EPHA3: variants seen among roughly 807,000 people sequenced by gnomAD.
EPHA3 encodes EPH receptor A3.
In EPHA3, 42 loss-of-function variants were observed where a neutral mutation model predicts 107.1. That is an observed-to-expected ratio of 0.39 (90% CI 0.31 to 0.51). EPHA3 has a LOEUF of 0.51. Ranked by LOEUF, EPHA3 falls within the 20% of genes least tolerant of loss-of-function variation. The pLI, the probability that EPHA3 is intolerant of heterozygous loss-of-function variation, is 0.78. For missense variants in EPHA3, 1,183 were observed against 1,211.2 expected (o/e 0.98, Z 0.35); for synonymous variants, 461 against 424.8 (o/e 1.09, Z -1.05).
rs578081895 is a variant in EPHA3, at chr3:89,238,493, G to A, written c.814+27973G>A. On this transcript the variant is annotated intron_variant, in intron 3 of 16. Coordinates refer to ENST00000336596, the MANE Select transcript of EPHA3 (RefSeq NM_005233.6). ...TTATGCCTCTGCTGTTAGAACCACAGTTAAGTCAGTTCCAGCATGAAGAAA... is the reference window on the plus strand; with the variant it reads ...TTATGCCTCTGCTGTTAGAACCACAATTAAGTCAGTTCCAGCATGAAGAAA... Among the ~76,000 whole-genome samples, 4 of 152,306 alleles carry A rather than the reference G, an allele frequency of 2.6e-5. No individual in the cohort carries two copies. The East Asian group carries it at 7.7e-4, about 29-fold the overall frequency.
Position 89,479,385 on chromosome 3 carries a change from CT to C in EPHA3, c.2847-5del, listed in dbSNP as rs1488240489. 6.2e-7 allele frequency: 1 copy of C among 1,608,638 alleles called. No individual in the cohort carries two copies. The highest frequency in any genetic ancestry group is 8.5e-7 in the Non-Finnish European group (1 of 1,175,204). ...AGGAAACCGATTCTTATATTGTTTT[CT>C]TTTTTTACAGTGACATGAAAAAGGT... On this transcript the variant is annotated splice_polypyrimidine_tract_variant and intron_variant, in intron 16 of 16. Coordinates refer to ENST00000336596, the MANE Select transcript of EPHA3 (RefSeq NM_005233.6).
At chr3:89,323,587 C>T (rs569599754) in intron 3 of EPHA3, among the ~76,000 whole-genome samples, 1 of 151,950 alleles carries the variant, frequency 6.6e-6, no homozygotes, top group East Asian at 1.9e-4. Flanking sequence ...ATTTATTAGC[C>T]AACAACAACA....
intron 2 of EPHA3, among the ~76,000 whole-genome samples, chr3:89,193,067 A>T (rs1034276680): frequency 2.0e-5 from 3 of 152,102 alleles, no homozygotes; most frequent in African/African-American, 7.2e-5. Context: ...ATTTATCTGG[A>T]TAGTAAATAG....
intron 5 of EPHA3, among the ~76,000 whole-genome samples, chr3:89,366,626 A>G (rs986053590): frequency 6.6e-6 from 1 of 150,644 alleles, no homozygotes; most frequent in African/African-American, 2.4e-5. Flanking sequence ...GCATCAAGGA[A>G]AAGATCTTGA....
At chr3:89,158,301 C>T (rs563020034) in intron 2 of EPHA3, among the ~76,000 whole-genome samples, 1 of 152,062 alleles carries the variant, frequency 6.6e-6, no homozygotes, top group Non-Finnish European at 1.5e-5. Context: ...GATTCTACCA[C>T]TTCATTGAGG....
At chr3:89,234,875 CT>C (rs1201753809) in intron 3 of EPHA3, among the ~76,000 whole-genome samples, 1 of 139,374 alleles carries the variant, frequency 7.2e-6, no homozygotes, top group African/African-American at 2.7e-5. Flanking sequence ...CCTTCTCTTC[CT>C]TCCTGCCTTC....
chr3:89,370,399 T>C (rs1274268090), intron 5 of EPHA3, among the ~76,000 whole-genome samples: 2 of 151,050 alleles, frequency 1.3e-5, no homozygotes, highest in Non-Finnish European at 2.9e-5. Flanking sequence ...CAGTAAACTA[T>C]CGCAAGGACA....
chr3:89,264,163 A>G (rs1362740844), intron 3 of EPHA3, among the ~76,000 whole-genome samples: 8 of 152,172 alleles, frequency 5.3e-5, no homozygotes, highest in Non-Finnish European at 1.0e-4. Flanking sequence ...GGTGTGATCT[A>G]TCCTGGGGCA....
chr3:89,431,112 G>A (rs1238303747), intron 12 of EPHA3, 38 bp from the exon 13 acceptor site: 1 of 1,579,592 alleles, frequency 6.3e-7, no homozygotes, highest in South Asian at 1.1e-5. Context: ...TTAAGAAATA[G>A]GAACGTATCT....
chr3:89,435,918 A>G (rs1317974198), intron 13 of EPHA3, among the ~76,000 whole-genome samples: 2 of 150,684 alleles, frequency 1.3e-5, no homozygotes, highest in South Asian at 4.2e-4. Context: ...GTGCCATTGC[A>G]CTCTAGCCTG....
At chr3:89,282,872 T>C (rs1356553319) in intron 3 of EPHA3, among the ~76,000 whole-genome samples, 1 of 152,178 alleles carries the variant, frequency 6.6e-6, no homozygotes, top group African/African-American at 2.4e-5. Flanking sequence ...GATGATTATT[T>C]TGATCATGTT....
At chr3:89,377,127 T>A (rs1302285021) in intron 5 of EPHA3, among the ~76,000 whole-genome samples, 1 of 152,108 alleles carries the variant, frequency 6.6e-6, no homozygotes, top group Non-Finnish European at 1.5e-5. Context: ...TTATGTAGAT[T>A]GTTTTTTCTT....
intron 3 of EPHA3, among the ~76,000 whole-genome samples, chr3:89,280,028 T>G (rs1343539244): frequency 9.5e-5 from 7 of 73,968 alleles, no homozygotes; most frequent in African/African-American, 3.6e-4. Flanking sequence ...TGTGCACCTG[T>G]GTGTGTGTGT....
At chr3:89,352,013 G>C (rs1707835412) in intron 5 of EPHA3, among the ~76,000 whole-genome samples, 1 of 150,430 alleles carries the variant, frequency 6.6e-6, no homozygotes, top group African/African-American at 2.4e-5. Context: ...GGGAATTTCA[G>C]AGTTGCCATT....
At chr3:89,113,701 T>C (rs1310413544) in intron 1 of EPHA3, among the ~76,000 whole-genome samples, 2 of 151,108 alleles carry the variant, frequency 1.3e-5, no homozygotes. Context: ...TTTTATTAAA[T>C]CCCTAAAAAC....
chr3:89,306,034 G>A lies in EPHA3; in HGVS notation c.815-34882G>A, dbSNP rs576661755. ...CAGATGTGGCTATAAACGTCTCATC[G>A]TCATTGTCGTCATCATCATCATCAT... On this transcript the variant is annotated intron_variant, in intron 3 of 16. Transcript: ENST00000336596. Among the ~76,000 whole-genome samples, 160 of 152,140 alleles carry A rather than the reference G, an allele frequency of 1.1e-3. 1 individual carries two copies. The highest frequency in any genetic ancestry group is 6.8e-3 in the Middle Eastern group (2 of 294).
chr3:89,400,333 G>C (rs1352830370), intron 7 of EPHA3: 1 of 160,002 alleles, frequency 6.2e-6, no homozygotes, highest in Non-Finnish European at 1.4e-5. Context: ...CTCCCGAGTA[G>C]CTGGGACTAC....
chr3:89,400,469 C>G (rs1345698380), intron 7 of EPHA3: 1 of 152,366 alleles, frequency 6.6e-6, no homozygotes, highest in African/African-American at 2.4e-5. Flanking sequence ...ATCTCCTGAC[C>G]TCGTGATCCG....
chr3:89,280,403 G>T (rs1262521543), intron 3 of EPHA3, among the ~76,000 whole-genome samples: 1 of 152,056 alleles, frequency 6.6e-6, no homozygotes, highest in East Asian at 1.9e-4. Flanking sequence ...AAAAAATGGG[G>T]TTGGGGTTAG....
Sources: allele counts gnomAD v4.1 joint callset (sites outside exome capture counted in the v4.1 genomes callset), GRCh38; gene constraint gnomAD v4.1.1; transcripts MANE v1.5; gene names NCBI Gene and HGNC (gene_info 2026-07-23, HGNC 2026-07-21).